POLG: variants seen among roughly 807,000 people sequenced by gnomAD.
POLG encodes the protein DNA polymerase subunit gamma-1.
POLG carries 110 observed loss-of-function variants against 155.4 expected under a neutral mutation model. That is an observed-to-expected ratio of 0.71 (90% confidence interval 0.61 to 0.83). POLG has a LOEUF of 0.83. POLG is among the 40% of genes least tolerant of loss of function. The pLI is 0.00. For missense variants in POLG, 1,685 were observed against 1,627.5 expected, an observed-to-expected ratio of 1.04 and a Z score of -0.61; for synonymous variants, 701 against 631.5, an observed-to-expected ratio of 1.11 and a Z score of -1.65.
In POLG at chr15:89,326,952, G is replaced by A. The variant is rs537156830; in HGVS notation, c.1545C>T (p.Ile515=). 48 of 1,614,130 alleles carry A rather than the reference G, an allele frequency of 3.0e-5. No individual in the cohort carries two copies. The highest frequency in any genetic ancestry group is 2.1e-4 in the African/African-American group (16 of 75,032). ...KEPATASKLP[I]EGAGAPGDPM... is the part of the protein sequence containing the mutation. Reference sequence around the variant, plus strand: ...GATCACCAGGGGCCCCAGCCCCCTCGATGGGCAACTTGCTGGCTGTGGCTG... The same window carrying A: ...GATCACCAGGGGCCCCAGCCCCCTCAATGGGCAACTTGCTGGCTGTGGCTG... Residue 515 remains isoleucine, a synonymous_variant, in exon 8 of 23, where the codon ATC becomes ATT. Coordinates refer to ENST00000268124, the MANE Select transcript of POLG (RefSeq NM_002693.3).
In POLG at chr15:89,333,627, T is replaced by TGCTGCC. The variant is rs776122200; in HGVS notation, c.127_128insGGCAGC (p.Arg42_Gln43insArgGln). 3.0e-5 allele frequency: 48 copies of TGCTGCC among 1,581,460 alleles called. No individual in the cohort carries two copies. Among genetic ancestry groups the TGCTGCC allele is most frequent in the African/African-American group, 5.4e-5 (4 of 74,182 alleles). On this transcript the variant is annotated inframe_insertion, in exon 2 of 23. Transcript: ENST00000268124. The stretch of plus-strand genomic sequence containing the variant: ...CTGCTGCTGCTGCTGCTGCTGCTGC[T>TGCTGCC]GCCGCCGCCGCTGCCCGTCGCTGGG...
At chr15:89,327,432 C>A in intron 6 of POLG, 83 bp from the exon 7 acceptor site, 1 of 1,276,422 alleles carries the variant, frequency 7.8e-7, no homozygotes, top group East Asian at 2.4e-5. Flanking sequence ...TAGCAAGCCT[C>A]AACCCAGCCA....
intron 20 of POLG, 62 bp from the exon 21 acceptor site, chr15:89,318,811 T>TAGAAGCCCCAAG: frequency 6.4e-7 from 1 of 1,557,908 alleles, no homozygotes; most frequent in Non-Finnish European, 8.8e-7. Flanking sequence ...AACTCCAGGG[T>TAGAAGCCCCAAG]AGAAGCCCCA....
intron 9 of POLG, 63 bp from the exon 10 acceptor site, chr15:89,325,749 C>T (rs2055508946): frequency 8.7e-6 from 11 of 1,269,146 alleles, no homozygotes; most frequent in South Asian, 4.7e-5. Context: ...GGGGAAGGTT[C>T]TCTCTCTCAC....
chr15:89,330,131 G>A lies in POLG; in HGVS notation c.805C>T (p.His269Tyr). The change falls in exon 3 of 23, where the codon CAC becomes TAC. Residue 269 changes from histidine to tyrosine, a missense_variant. Physicochemically the swap from His to Tyr is moderately conservative, Grantham distance 83 (BLOSUM62 2). This residue lies in a region of POLG where 1,210 missense variants were observed against 1,167.1 expected (regional missense o/e 1.04). Transcript: ENST00000268124. ...TGAGCTCGGTCAAAGGAAACATTGT[G>A]CCCCACCACTAACTGCTCCTGCCAG... The part of the protein sequence containing the change: ...RDWQEQLVVG[H>Y]NVSFDRAHIR... The A allele has an allele frequency of 1.2e-6, 2 of 1,614,000 alleles. No individual in the cohort carries two copies. The highest frequency in any genetic ancestry group is 1.7e-6 in the Non-Finnish European group (2 of 1,180,010).
chr15:89,317,725 T>G, intron 21 of POLG, 189 bp from the exon 22 acceptor site: 2 of 627,564 alleles, frequency 3.2e-6, no homozygotes, highest in Admixed American at 2.7e-5. Context: ...AACCTCCCAC[T>G]GAGATACTGA....
intron 2 of POLG, among the ~76,000 whole-genome samples, chr15:89,331,524 A>G (rs1193041804): frequency 6.6e-6 from 1 of 152,240 alleles, no homozygotes; most frequent in Non-Finnish European, 1.5e-5. Context: ...GATCCATGCC[A>G]TTAATACTAG....
chr15:89,316,372 G>T lies in POLG; in HGVS notation c.*379C>A, dbSNP rs372128793. 11 of 1,603,840 alleles carry T rather than the reference G, an allele frequency of 6.9e-6. No individual in the cohort carries two copies. The African/African-American group carries it at 1.5e-4, about 22-fold the overall frequency. On this transcript the variant is annotated 3_prime_UTR_variant, in exon 23 of 23. Coordinates refer to ENST00000268124, the MANE Select transcript of POLG (RefSeq NM_002693.3). ...GCCTTGGAGCAGGTTTATCACGTTA[G>T]AGCATTAATTCTTTCCCCTTCTAGG...
Position 89,322,876 on chromosome 15 carries a change from G to T in POLG, c.2292C>A (p.Ser764Arg). ...HKDGNSCNVG[S>R]PFAKDFLPKM... ...TGGGCAGGAAGTCCTTGGCAAAGGG[G>T]CTTCCCACATTACAGCTATTACCAT... Residue 764 changes from serine to arginine, a missense_variant, in exon 14 of 23, where the codon AGC (serine) becomes AGA (arginine). Ser to Arg is a moderately radical substitution (Grantham distance 110). Around this residue, in one of 3 missense-constraint regions of POLG, gnomAD observed 1,210 missense variants for 1,167.1 expected, o/e 1.04. Transcript: ENST00000268124. The T allele has an allele frequency of 1.2e-6, 2 of 1,613,402 alleles. No individual in the cohort carries two copies. Among genetic ancestry groups the T allele is most frequent in the Non-Finnish European group, 1.7e-6 (2 of 1,179,912 alleles).
At position 89,333,688 on chromosome 15, in the gene POLG, C is replaced by A; in HGVS notation, c.67G>T (p.Gly23Trp). The A allele has an allele frequency of 6.5e-7, 1 of 1,544,718 alleles. No homozygotes were observed. The highest frequency in any genetic ancestry group is 8.7e-7 in the Non-Finnish European group (1 of 1,150,864). ...TVGPGPVPAPGRWVSSSVPAS... is the reference protein window; with the variant it reads ...TVGPGPVPAPWRWVSSSVPAS... The stretch of plus-strand genomic sequence containing the variant: ...GGGACGGAGCTGGAGACCCAGCGCC[C>A]CGGAGCTGGAACCGGCCCTGGCCCG... The change falls in exon 2 of 23, where the codon GGG (glycine) becomes TGG (tryptophan). Residue 23 changes from glycine to tryptophan, a missense_variant. Coordinates refer to ENST00000268124, the MANE Select transcript of POLG (RefSeq NM_002693.3).
At chr15:89,324,361 C>T in intron 10 of POLG, 134 bp from the exon 11 acceptor site, 1 of 1,015,666 alleles carries the variant, frequency 9.8e-7, no homozygotes, top group South Asian at 1.4e-5. Context: ...CCAGATAGCA[C>T]TTTCCCGGGT....
chr15:89,329,041 G>A lies in POLG; in HGVS notation c.925C>T (p.Arg309Cys), dbSNP rs886041592. The part of the protein sequence containing the change: ...MAISGLSSFQ[R>C]SLWIAAKQGK... ...TGCTTGGCTGCTATCCACAGACTGCGCTGGAAGCTGCTTAGCCCTGAGATG... is the reference window on the plus strand; with the variant it reads ...TGCTTGGCTGCTATCCACAGACTGCACTGGAAGCTGCTTAGCCCTGAGATG... The change falls in exon 4 of 23, where the codon CGC becomes TGC. Residue 309 changes from arginine (R) to cysteine (C), a missense_variant. Physicochemically the swap from Arg to Cys is radical, Grantham distance 180. Transcript: ENST00000268124. 4.3e-6 allele frequency: 7 copies of A among 1,613,060 alleles called. No homozygotes were observed. In the South Asian group the frequency reaches 4.4e-5, roughly 10 times the overall value.
At chr15:89,327,900 C>T (rs946058372) in intron 6 of POLG, among the ~76,000 whole-genome samples, 1 of 152,106 alleles carries the variant, frequency 6.6e-6, no homozygotes, top group African/African-American at 2.4e-5. Flanking sequence ...ATTTTCTCCT[C>T]ATGATTTTCT....
rs547909844 is a variant in POLG, at chr15:89,334,102, T to C, written c.-159-189A>G. 1.3e-4 allele frequency: 51 copies of C among 380,256 alleles called. 1 individual carries two copies. The highest frequency in any genetic ancestry group is 9.5e-4 in the African/African-American group (44 of 46,442). The allele number at this position is 380,256 out of a possible 1,614,324, so 23.6% of individuals were successfully genotyped here. On this transcript the variant is annotated intron_variant, in intron 1 of 22. Transcript: ENST00000268124. ...TGGGGGAACCGGGGTCCACGCAACT[T>C]CGTCAGTGAACCCACGTGGGGAAGC... is the stretch of plus-strand genomic sequence containing the variant.
intron 14 of POLG, 127 bp from the exon 15 acceptor site, chr15:89,322,142 G>A (rs2055405842): frequency 1.1e-6 from 1 of 888,524 alleles, no homozygotes; most frequent in Admixed American, 1.9e-5. Flanking sequence ...TCACTAACTG[G>A]ACTCAAGGTG....
intron 17 of POLG, 22 bp downstream of exon 17, chr15:89,321,103 C>T (rs2055389409): frequency 1.2e-6 from 2 of 1,614,070 alleles, no homozygotes; most frequent in African/African-American, 1.3e-5. Context: ...GCTGGGCTGC[C>T]CCAACCCCGG....
At chr15:89,317,699 T>TG (rs2055319738) in intron 21 of POLG, 163 bp from the exon 22 acceptor site, 1 of 708,654 alleles carries the variant, frequency 1.4e-6, no homozygotes, top group African/African-American at 1.8e-5. Flanking sequence ...CAGCACTGTT[T>TG]TCCATCCAGC....
At chr15:89,323,364 T>A (rs368592122) in intron 13 of POLG, 40 bp downstream of exon 13, 4 of 1,333,248 alleles carry the variant, frequency 3.0e-6, no homozygotes, top group Non-Finnish European at 4.3e-6. Flanking sequence ...TTGAGCAGAA[T>A]GAGGAAACAC....
In POLG at chr15:89,321,769, C is replaced by T. The variant is rs958349849; in HGVS notation, c.2565G>A (p.Val855=). 1 of 1,614,096 alleles carries T rather than the reference C, an allele frequency of 6.2e-7. No individual in the cohort carries two copies. The highest frequency in any genetic ancestry group is 8.5e-7 in the Non-Finnish European group (1 of 1,179,986). Residue 855 remains valine (V), a synonymous_variant, in exon 16 of 23, where the codon GTG becomes GTA. Transcript: ENST00000268124. ...VTAGTITRRA[V]EPTWLTASNA... The stretch of plus-strand genomic sequence containing the variant: ...TGCTGGCGGTGAGCCATGTGGGCTC[C>T]ACAGCCCGGCGAGTGATGGTGCCGG...
Sources: gnomAD v4.1 joint callset for allele counts (sites outside exome capture counted in the v4.1 genomes callset) on GRCh38, gnomAD v4.1.1 for gene constraint, gnomAD v4.1.1 regional missense constraint, MANE v1.5 for transcripts, NCBI Gene and HGNC (gene_info 2026-07-23, HGNC 2026-07-21) for gene names.